The following NAV2 variants were observed in gnomAD, a reference collection of about 807,000 sequenced individuals.
NAV2 encodes neuron navigator 2, also known as helicase, APC down-regulated 1.
A neutral mutation model predicts 223.2 loss-of-function variants in NAV2; 54 were observed. That is an observed-to-expected ratio of 0.24 (90% CI 0.19 to 0.30). The LOEUF is 0.30. Among genes scored for constraint, NAV2 ranks in the 10% least tolerant of loss-of-function variants. The probability of loss-of-function intolerance (pLI) is 1.00; values close to 1 mark genes in which losing one functional copy is unlikely to be tolerated. For missense variants in NAV2, 2,806 were observed against 3,147.5 expected (o/e 0.89, Z 2.60); for synonymous variants, 1,279 against 1,239.3 (o/e 1.03, Z -0.67).
At chr11:19,728,616 C>T (rs2051456691) in intron 1 of NAV2, among the ~76,000 whole-genome samples, 1 of 152,254 alleles carries the variant, frequency 6.6e-6, no homozygotes, top group African/African-American at 2.4e-5. Flanking sequence ...ATCTGCACCA[C>T]AGGCACCATA....
At chr11:19,530,981 A>G (rs1046199425) in intron 1 of NAV2, among the ~76,000 whole-genome samples, 2 of 152,234 alleles carry the variant, frequency 1.3e-5, no homozygotes, top group East Asian at 3.8e-4. Flanking sequence ...AAATATTTAT[A>G]TATACTTCAT....
upstream of NAV2, among the ~76,000 whole-genome samples, chr11:19,347,723 G>A (rs1590024899): frequency 6.6e-6 from 1 of 152,276 alleles, no homozygotes; most frequent in East Asian, 1.9e-4. Context: ...ATCCATTGCT[G>A]CATTTAGGGA....
intron 33 of NAV2, 80 bp from the exon 34 acceptor site, chr11:20,103,573 G>A (rs909303204): frequency 5.7e-5 from 88 of 1,531,512 alleles, no homozygotes; most frequent in Non-Finnish European, 7.4e-5. Flanking sequence ...TGGAAGCACA[G>A]GGCCATGGGC....
At chr11:19,347,989 G>A (rs546806174), upstream of NAV2, among the ~76,000 whole-genome samples, 17 of 152,242 alleles carry the variant, frequency 1.1e-4, no homozygotes, top group African/African-American at 4.1e-4. Flanking sequence ...TCTCCCCTCT[G>A]GCTCCAGCAC....
intron 1 of NAV2, among the ~76,000 whole-genome samples, chr11:19,741,784 T>C (rs1323304035): frequency 1.3e-5 from 2 of 150,638 alleles, no homozygotes; most frequent in Non-Finnish European, 2.9e-5. Context: ...TTCCATATCT[T>C]AGCAATTGCA....
rs193178545 is a variant in NAV2, at chr11:19,655,271, G to C, written c.76-177213G>C. ...GTGCTAGAGAGGATGTGAAGAAATA[G>C]GAATGCTTTTGCACTGTTGGTGGGA... On this transcript the variant is annotated intron_variant, in intron 1 of 37. Coordinates refer to the NAV2 transcript ENST00000360655. 7.2e-3 allele frequency among the ~76,000 whole-genome samples: 1,098 copies of C among 152,280 alleles called. 22 individuals are homozygous for C. The highest frequency in any genetic ancestry group is 0.025 in the African/African-American group (1,049 of 41,552).
At position 20,048,732 on chromosome 11, in the gene NAV2, T is replaced by G. The variant is rs201073900; in HGVS notation, c.3907T>G (p.Phe1303Val). ...CAACCCTTTGTCTCTTCACAGACTC[T>G]TTGGTGGGAAGCCTACCAAGCAAGT... Reference protein sequence around the residue: ...DVASPTLRRLFGGKPTKQVPI... With the variant: ...DVASPTLRRLVGGKPTKQVPI... The change falls in exon 15 of 38, where the codon TTT becomes GTT. Residue 1303 changes from phenylalanine (F) to valine (V), a missense_variant. Phe to Val is a conservative substitution (Grantham distance 50). Around this residue, in one of 4 missense-constraint regions of NAV2, gnomAD observed 742 missense variants for 777.9 expected, o/e 0.95. Coordinates refer to ENST00000349880, the MANE Select transcript of NAV2 (RefSeq NM_145117.5). The G allele has an allele frequency of 6.2e-7, 1 of 1,613,764 alleles. No homozygotes were observed. The highest frequency in any genetic ancestry group is 8.5e-7 in the Non-Finnish European group (1 of 1,179,804).
upstream of NAV2, chr11:19,711,836 CT>C (rs2049894763): frequency 6.6e-6 from 1 of 152,218 alleles, no homozygotes; most frequent in Non-Finnish European, 1.5e-5. Context: ...CAAACAACAG[CT>C]CATTAGGTAA....
At chr11:19,488,617 C>T (rs991050950) in intron 1 of NAV2, among the ~76,000 whole-genome samples, 18 of 152,194 alleles carry the variant, frequency 1.2e-4, no homozygotes, top group South Asian at 2.1e-4. Context: ...AATTGGGGAT[C>T]GTAATACTTA....
At chr11:19,723,134 T>A (rs1209692586) in intron 1 of NAV2, among the ~76,000 whole-genome samples, 2 of 152,136 alleles carry the variant, frequency 1.3e-5, no homozygotes, top group Non-Finnish European at 2.9e-5. Context: ...AGAAGGGTTC[T>A]GAGGGGGTTT....
At chr11:20,091,389 C>A (rs1045731248) in intron 27 of NAV2, among the ~76,000 whole-genome samples, 1 of 152,162 alleles carries the variant, frequency 6.6e-6, no homozygotes, top group African/African-American at 2.4e-5. Flanking sequence ...CTGACTGCCC[C>A]CTTTGCATCC....
At chr11:19,347,057 A>C (rs1358955842), upstream of NAV2, among the ~76,000 whole-genome samples, 1 of 152,154 alleles carries the variant, frequency 6.6e-6, no homozygotes, top group African/African-American at 2.4e-5. Context: ...GATTTAAAAA[A>C]CAGTTTCCCC....
chr11:19,936,960 A>G (rs2045958317), intron 7 of NAV2, among the ~76,000 whole-genome samples: 1 of 152,146 alleles, frequency 6.6e-6, no homozygotes. Flanking sequence ...CAACATGGTG[A>G]AACCCTATCT....
At chr11:20,012,708 G>A (rs1239362460) in intron 11 of NAV2, among the ~76,000 whole-genome samples, 10 of 149,732 alleles carry the variant, frequency 6.7e-5, no homozygotes, top group South Asian at 2.1e-4. Context: ...GGAAAAGAGC[G>A]ACCAGGGGAT....
At chr11:19,854,931 T>TG in intron 3 of NAV2, among the ~76,000 whole-genome samples, 1 of 152,292 alleles carries the variant, frequency 6.6e-6, no homozygotes, top group South Asian at 2.1e-4. Context: ...AAGGTGGTCA[T>TG]GTTTCTCCCC....
intron 3 of NAV2, among the ~76,000 whole-genome samples, chr11:19,855,826 T>C (rs2061383692): frequency 6.6e-6 from 1 of 152,210 alleles, no homozygotes; most frequent in Non-Finnish European, 1.5e-5. Context: ...TACTTGGTCT[T>C]TTCCTCTACA....
intron 1 of NAV2, among the ~76,000 whole-genome samples, chr11:19,591,598 C>A (rs1390430061): frequency 6.6e-6 from 1 of 152,114 alleles, no homozygotes; most frequent in South Asian, 2.1e-4. Context: ...CCTGACCATG[C>A]GGATGTTATT....
At chr11:19,781,252 C>T (rs574557742) in intron 1 of NAV2, among the ~76,000 whole-genome samples, 61 of 152,290 alleles carry the variant, frequency 4.0e-4, no homozygotes, top group African/African-American at 1.3e-3. Flanking sequence ...CCTCCTAGAG[C>T]GCTGCAGGGC....
Position 20,118,446 on chromosome 11 carries a change from G to T in NAV2, c.*188G>T. 1 of 642,550 alleles carries T rather than the reference G, an allele frequency of 1.6e-6. No homozygotes were observed. 39.8% of individuals were successfully genotyped at this position (642,550 alleles called of 1,614,324 possible). ...ATCCCGGGCCAGCTGCCTGCGGACC[G>T]CTTCCTTCCACAGCGAGAACTGCAC... On this transcript the variant is annotated 3_prime_UTR_variant, in exon 38 of 38. Transcript: ENST00000349880.
Sources: gnomAD v4.1 joint callset for allele counts (sites outside exome capture counted in the v4.1 genomes callset) on GRCh38, gnomAD v4.1.1 for gene constraint, gnomAD v4.1.1 regional missense constraint, MANE v1.5 for transcripts, NCBI Gene and HGNC (gene_info 2026-07-23, HGNC 2026-07-21) for gene names.